MAF: variants seen among roughly 807,000 people sequenced by gnomAD.
MAF encodes MAF bZIP transcription factor, also known as transcription factor Maf.
A neutral mutation model predicts 22.0 loss-of-function variants in MAF; 10 were observed. The observed-to-expected ratio is 0.45, with a 90% CI of 0.28 to 0.77. MAF has a LOEUF of 0.77. Ranked by LOEUF, MAF falls within the 30% of genes least tolerant of loss-of-function variation. The probability of loss-of-function intolerance (pLI) is 0.12; values close to 1 mark genes in which losing one functional copy is unlikely to be tolerated. For missense variants in MAF, 544 were observed against 548.4 expected (o/e 0.99, Z 0.08); for synonymous variants, 337 against 255.8 (o/e 1.32, Z -3.03).
the MAF span, among the ~76,000 whole-genome samples, chr16:79,385,014 G>C: frequency 2.6e-5 from 4 of 152,200 alleles, no homozygotes; most frequent in Non-Finnish European, 4.4e-5. Context: ...CTTGGAGACA[G>C]GATCAGGAAA....
the MAF span, among the ~76,000 whole-genome samples, chr16:79,534,091 C>G: frequency 6.6e-6 from 1 of 152,210 alleles, no homozygotes; most frequent in Non-Finnish European, 1.5e-5. Context: ...GGAAAGAGAT[C>G]AGAATCTACT....
the MAF span, among the ~76,000 whole-genome samples, chr16:79,449,353 T>C: frequency 2.0e-5 from 3 of 152,180 alleles, no homozygotes; most frequent in African/African-American, 7.2e-5. Flanking sequence ...ACATAACTTT[T>C]ATATGCAGTG....
At chr16:79,362,863 C>A in the MAF span, among the ~76,000 whole-genome samples, 2 of 152,210 alleles carry the variant, frequency 1.3e-5, no homozygotes, top group East Asian at 1.9e-4. Flanking sequence ...AGAAAGTGTG[C>A]ATTTATATCT....
At chr16:79,350,736 G>C in the MAF span, among the ~76,000 whole-genome samples, 1 of 152,172 alleles carries the variant, frequency 6.6e-6, no homozygotes, top group Non-Finnish European at 1.5e-5. Flanking sequence ...ACCCTGCAGG[G>C]ACCTGCCCTG....
the MAF span, among the ~76,000 whole-genome samples, chr16:79,365,405 G>A: frequency 6.6e-6 from 1 of 152,178 alleles, no homozygotes; most frequent in African/African-American, 2.4e-5. Flanking sequence ...ATACAACGCT[G>A]CTGATGTTTA....
the MAF span, among the ~76,000 whole-genome samples, chr16:79,435,469 T>G: frequency 6.6e-6 from 1 of 152,314 alleles, no homozygotes; most frequent in East Asian, 1.9e-4. Context: ...AAGCTACTAT[T>G]CATTGAGCTT....
the MAF span, among the ~76,000 whole-genome samples, chr16:79,499,385 C>T: frequency 6.6e-6 from 1 of 152,160 alleles, no homozygotes; most frequent in Admixed American, 6.5e-5. Context: ...ATGACAACTC[C>T]ACCCTCCATA....
At chr16:79,252,059 G>A in the MAF span, among the ~76,000 whole-genome samples, 32 of 152,346 alleles carry the variant, frequency 2.1e-4, no homozygotes, top group African/African-American at 3.8e-4. Flanking sequence ...ATGCCGTCCC[G>A]GCCTGCAGAA....
chr16:79,208,940 T>G, the MAF span, among the ~76,000 whole-genome samples: 1 of 152,202 alleles, frequency 6.6e-6, no homozygotes, highest in African/African-American at 2.4e-5. Flanking sequence ...TGAGTACCCA[T>G]GAGCACCAAG....
At chr16:79,210,527 C>T in the MAF span, among the ~76,000 whole-genome samples, 2 of 152,178 alleles carry the variant, frequency 1.3e-5, no homozygotes, top group East Asian at 3.9e-4. Flanking sequence ...TGGGGGCGAG[C>T]TTATCTTCAG....
At chr16:79,593,277 G>C (rs1597840091), downstream of MAF, among the ~76,000 whole-genome samples, 1 of 152,142 alleles carries the variant, frequency 6.6e-6, no homozygotes, top group African/African-American at 2.4e-5. Flanking sequence ...TACTGTGCTT[G>C]GGAACCTTTG....
At chr16:79,472,575 T>C in the MAF span, among the ~76,000 whole-genome samples, 17 of 152,234 alleles carry the variant, frequency 1.1e-4, no homozygotes, top group East Asian at 2.7e-3. Context: ...GGCAAATTTA[T>C]ACAGACAGGA....
At chr16:79,569,455 C>A in the MAF span, among the ~76,000 whole-genome samples, 1 of 152,164 alleles carries the variant, frequency 6.6e-6, no homozygotes, top group East Asian at 1.9e-4. Flanking sequence ...TTTTCCAAAT[C>A]CTGCTTTAGT....
chr16:79,260,463 C>CTATCTATATCCA, the MAF span, among the ~76,000 whole-genome samples: 2 of 145,332 alleles, frequency 1.4e-5, no homozygotes, highest in Non-Finnish European at 3.0e-5. Context: ...ATGTATCTAT[C>CTATCTATATCCA]TATCTATATC....
downstream of MAF, among the ~76,000 whole-genome samples, chr16:79,592,151 C>T (rs1913226210): frequency 6.6e-6 from 1 of 152,194 alleles, no homozygotes. Context: ...GTGCAGGGAA[C>T]AGGGAGCCCG....
chr16:79,321,746 G>A, the MAF span, among the ~76,000 whole-genome samples: 1 of 144,110 alleles, frequency 6.9e-6, no homozygotes, highest in African/African-American at 2.6e-5. Context: ...TGCCTCCCAG[G>A]TTCACGACAT....
the MAF span, among the ~76,000 whole-genome samples, chr16:79,547,871 T>C: frequency 7.1e-6 from 1 of 140,920 alleles, no homozygotes; most frequent in South Asian, 2.4e-4. Context: ...TCTCCTTGTG[T>C]GTGTGTGTGC....
the MAF span, among the ~76,000 whole-genome samples, chr16:79,479,498 T>C: frequency 2.0e-5 from 3 of 152,206 alleles, no homozygotes; most frequent in African/African-American, 7.2e-5. Flanking sequence ...ATGGAATTTG[T>C]CAGGGCGGGG....
chr16:79,329,022 C>A, the MAF span, among the ~76,000 whole-genome samples: 1 of 151,986 alleles, frequency 6.6e-6, no homozygotes, highest in Non-Finnish European at 1.5e-5. Context: ...GTTTTGCAAG[C>A]TGTATCTTTC....
Sources: gnomAD v4.1 joint callset for allele counts (sites outside exome capture counted in the v4.1 genomes callset) on GRCh38, gnomAD v4.1.1 for gene constraint, MANE v1.5 for transcripts, NCBI Gene and HGNC (gene_info 2026-07-23, HGNC 2026-07-21) for gene names.